Variants in PTK2 observed in about 807,000 individuals in gnomAD.
The protein encoded by PTK2 is protein tyrosine kinase 2, also known as focal adhesion kinase 1.
PTK2 carries 45 observed loss-of-function variants against 150.1 expected under a neutral mutation model. That is an observed-to-expected ratio of 0.30 (90% CI 0.24 to 0.38). The LOEUF is 0.38. PTK2 is among the 10% of genes least tolerant of loss of function. The pLI, the probability that PTK2 is intolerant of heterozygous loss-of-function variation, is 1.00. For missense variants in PTK2, 919 were observed against 1,307.3 expected, an observed-to-expected ratio of 0.70 and a Z score of 4.58; for synonymous variants, 432 against 449.2, an observed-to-expected ratio of 0.96 and a Z score of 0.48.
intron 2 of PTK2, 45 bp downstream of exon 2, chr8:140,925,616 G>A (rs1330658449): frequency 1.0e-6 from 1 of 974,158 alleles, no homozygotes; most frequent in East Asian, 1.1e-4. Context: ...TGACAGTACT[G>A]GCATTATTCA....
chr8:140,745,437 A>C (rs1310981980), intron 18 of PTK2, among the ~76,000 whole-genome samples: 2 of 152,228 alleles, frequency 1.3e-5, no homozygotes, highest in Non-Finnish European at 2.9e-5. Flanking sequence ...TTTGAGCCGG[A>C]AGAATTAGCA....
chr8:140,721,752 T>A (rs2100043032), intron 22 of PTK2: 1 of 152,232 alleles, frequency 6.6e-6, no homozygotes, highest in African/African-American at 2.4e-5. Context: ...CTGGAACACC[T>A]TTCTCTTCTT....
intron 5 of PTK2, among the ~76,000 whole-genome samples, chr8:140,859,662 TTACG>T (rs1474917263): frequency 6.6e-6 from 1 of 152,198 alleles, no homozygotes; most frequent in Non-Finnish European, 1.5e-5. Context: ...CACACAATAC[TTACG>T]TAACGTTTCA....
chr8:140,772,725 C>A (rs1273612397), intron 14 of PTK2, among the ~76,000 whole-genome samples: 3 of 151,926 alleles, frequency 2.0e-5, no homozygotes, highest in Non-Finnish European at 4.4e-5. Flanking sequence ...ACAACAACAA[C>A]AAAAAACCCA....
chr8:140,900,445 G>C (rs2154607679), intron 2 of PTK2, among the ~76,000 whole-genome samples: 1 of 152,296 alleles, frequency 6.6e-6, no homozygotes, highest in African/African-American at 2.4e-5. Context: ...AGAGGGGCTG[G>C]GTGTGGTGGC....
intron 23 of PTK2, among the ~76,000 whole-genome samples, chr8:140,708,920 T>C (rs1260159494): frequency 7.1e-6 from 1 of 141,254 alleles, no homozygotes. Context: ...ACCAGAACAA[T>C]AAACAGAGCT....
chr8:140,987,523 C>T (rs549071360), intron 1 of PTK2, among the ~76,000 whole-genome samples: 4 of 152,284 alleles, frequency 2.6e-5, no homozygotes, highest in East Asian at 1.9e-4. Context: ...CAGAGATATG[C>T]GGATGGCAAA....
At chr8:140,959,077 A>T (rs2100182170) in intron 1 of PTK2, among the ~76,000 whole-genome samples, 1 of 152,156 alleles carries the variant, frequency 6.6e-6, no homozygotes, top group Admixed American at 6.5e-5. Context: ...AAAGTTTAAA[A>T]CTATACAAAA....
chr8:140,973,619 A>G (rs867322615), intron 1 of PTK2, among the ~76,000 whole-genome samples: 5 of 152,206 alleles, frequency 3.3e-5, no homozygotes, highest in Non-Finnish European at 5.9e-5. Context: ...TCAACCATGT[A>G]CTGTTTAAAA....
At chr8:140,900,763 A>G (rs2154607684) in intron 2 of PTK2, among the ~76,000 whole-genome samples, 1 of 152,236 alleles carries the variant, frequency 6.6e-6, no homozygotes, top group East Asian at 1.9e-4. Flanking sequence ...GGACACACAT[A>G]CACAAGTTGA....
chr8:140,702,441 AC>A, intron 25 of PTK2, 128 bp downstream of exon 28: 1 of 1,231,204 alleles, frequency 8.1e-7, no homozygotes, highest in Non-Finnish European at 1.1e-6. Context: ...CTGGTTTCAA[AC>A]TCTGGGGCTC....
chr8:140,662,650 A>C (rs1258599607), intron 31 of PTK2: 1 of 544,370 alleles, frequency 1.8e-6, no homozygotes, highest in Non-Finnish European at 3.5e-6. Context: ...CCACTTACAA[A>C]GGAATCACCA....
chr8:140,859,251 C>G (rs1394280080), intron 5 of PTK2, among the ~76,000 whole-genome samples: 1 of 152,080 alleles, frequency 6.6e-6, no homozygotes, highest in Admixed American at 6.5e-5. Flanking sequence ...ATACAAAATT[C>G]AGGATAATGG....
At chr8:140,735,502 T>G (rs369247440) in intron 21 of PTK2, 47 bp from the exon 25 acceptor site, 1 of 1,580,546 alleles carries the variant, frequency 6.3e-7, no homozygotes, top group Non-Finnish European at 8.7e-7. Flanking sequence ...GTATGAAGAA[T>G]GTAACTCCCA....
intron 2 of PTK2, among the ~76,000 whole-genome samples, chr8:140,900,133 C>T (rs1311829728): frequency 1.3e-5 from 2 of 151,912 alleles, no homozygotes; most frequent in Non-Finnish European, 2.9e-5. Flanking sequence ...AAAAGGCACC[C>T]GAATCGACAA....
chr8:140,770,727 G>T (rs1172336714), intron 14 of PTK2: 5 of 1,344,224 alleles, frequency 3.7e-6, no homozygotes, highest in Non-Finnish European at 4.9e-6. Flanking sequence ...CGTAGAAGGA[G>T]GATCATGGGA....
chr8:140,810,106 T>C (rs768491746), intron 10 of PTK2, among the ~76,000 whole-genome samples: 9 of 152,164 alleles, frequency 5.9e-5, no homozygotes, highest in Non-Finnish European at 1.0e-4. Flanking sequence ...TGAGTGGAAC[T>C]GGCAAGGAGC....
intron 7 of PTK2, among the ~76,000 whole-genome samples, chr8:140,838,729 G>A (rs1356796912): frequency 2.6e-5 from 4 of 152,096 alleles, no homozygotes; most frequent in African/African-American, 7.2e-5. Context: ...CTTCTAGGCC[G>A]GGCGCGGTGG....
At chr8:140,719,744 C>A (rs1159488436) in intron 22 of PTK2, among the ~76,000 whole-genome samples, 1 of 151,872 alleles carries the variant, frequency 6.6e-6, no homozygotes, top group Non-Finnish European at 1.5e-5. Context: ...TGAAACAGGG[C>A]CAGGCAAGTT....
Sources: gnomAD v4.1 joint callset for allele counts (sites outside exome capture counted in the v4.1 genomes callset) on GRCh38, gnomAD v4.1.1 for gene constraint, MANE v1.5 for transcripts, NCBI Gene and HGNC (gene_info 2026-07-23, HGNC 2026-07-21) for gene names.